Variants in PELI2 observed in about 807,000 individuals in gnomAD.
The protein encoded by PELI2 is E3 ubiquitin-protein ligase pellino homolog 2.
A neutral mutation model predicts 42.3 loss-of-function variants in PELI2; 23 were observed. The ratio of observed to expected loss-of-function variants is 0.54; its 90% CI spans 0.39 to 0.77. PELI2 has a LOEUF of 0.77. Among genes scored for constraint, PELI2 ranks in the 30% least tolerant of loss-of-function variants. The pLI is 0.00. For synonymous variants in PELI2, 245 were observed against 212.2 expected, an observed-to-expected ratio of 1.15 and a Z score of -1.34; for missense variants, 463 against 553.2, an observed-to-expected ratio of 0.84 and a Z score of 1.64.
At chr14:56,186,367 C>T (rs1885770177) in intron 2 of PELI2, among the ~76,000 whole-genome samples, 1 of 152,190 alleles carries the variant, frequency 6.6e-6, no homozygotes, top group South Asian at 2.1e-4. Flanking sequence ...AGATGCTGCC[C>T]TGTCAGCCCC....
chr14:56,144,875 A>G (rs1566604607), intron 1 of PELI2: 1 of 634,164 alleles, frequency 1.6e-6, no homozygotes, highest in Non-Finnish European at 2.0e-6. Flanking sequence ...TACAGGAATA[A>G]AAGGAATAAG....
chr14:56,122,784 C>T (rs1883112147), intron 1 of PELI2, among the ~76,000 whole-genome samples: 1 of 152,134 alleles, frequency 6.6e-6, no homozygotes, highest in Non-Finnish European at 1.5e-5. Context: ...TGAGTGTAGG[C>T]AACAAAAAGA....
chr14:56,171,058 G>A (rs1273958018), intron 1 of PELI2, among the ~76,000 whole-genome samples: 1 of 152,098 alleles, frequency 6.6e-6, no homozygotes, highest in Non-Finnish European at 1.5e-5. Context: ...TTCTTTCATG[G>A]GACAGTAACT....
chr14:56,215,702 G>T (rs987260654), intron 2 of PELI2, among the ~76,000 whole-genome samples: 3 of 152,214 alleles, frequency 2.0e-5, no homozygotes, highest in Non-Finnish European at 4.4e-5. Flanking sequence ...TTGAGAATCA[G>T]AATGAGTCTT....
rs1024474895 is a variant in PELI2, at chr14:56,300,672, A to G, written c.*3506A>G. On this transcript the variant is annotated 3_prime_UTR_variant, in exon 6 of 6. Coordinates refer to ENST00000267460, the MANE Select transcript of PELI2 (RefSeq NM_021255.3). ...TTACACCATTGTTAATGCTGGGTAAAAACTATCTTCTTGCAGCCTTGCCTC... is the reference window on the plus strand; with the variant it reads ...TTACACCATTGTTAATGCTGGGTAAGAACTATCTTCTTGCAGCCTTGCCTC... 2.6e-5 allele frequency: 4 copies of G among 152,128 alleles called. No individual in the cohort carries two copies. The highest frequency in any genetic ancestry group is 9.7e-5 in the African/African-American group (4 of 41,410). 9.4% of individuals were successfully genotyped at this position (152,128 alleles called of 1,614,324 possible). A position where few individuals can be genotyped will look rare whatever the true frequency, so the allele number is the denominator to read the frequency against.
chr14:56,196,872 T>A (rs1415360256), intron 2 of PELI2, among the ~76,000 whole-genome samples: 2 of 152,228 alleles, frequency 1.3e-5, no homozygotes, highest in Non-Finnish European at 2.9e-5. Flanking sequence ...TGGTGTCTCA[T>A]CTCATACTTG....
chr14:56,153,062 G>C (rs1226742206), intron 1 of PELI2, among the ~76,000 whole-genome samples: 1 of 152,092 alleles, frequency 6.6e-6, no homozygotes. Flanking sequence ...AGGATAGTGG[G>C]TTAAGTACAC....
intron 2 of PELI2, among the ~76,000 whole-genome samples, chr14:56,267,705 GCAGATGGA>G (rs1243964556): frequency 6.6e-6 from 1 of 152,004 alleles, no homozygotes; most frequent in African/African-American, 2.4e-5. Context: ...AGATTCTTCA[GCAGATGGA>G]CAAATTTTAA....
chr14:56,161,421 C>T (rs763852323), intron 1 of PELI2, among the ~76,000 whole-genome samples: 28 of 151,886 alleles, frequency 1.8e-4, no homozygotes, highest in South Asian at 2.1e-4. Context: ...ACTACAGGTA[C>T]GCGCCACCAC....
chr14:56,204,525 C>T (rs573831973), intron 2 of PELI2, among the ~76,000 whole-genome samples: 4 of 151,976 alleles, frequency 2.6e-5, no homozygotes, highest in Non-Finnish European at 4.4e-5. Context: ...CTGCGGTTTG[C>T]GGTATGATGA....
intron 1 of PELI2, among the ~76,000 whole-genome samples, chr14:56,145,184 C>T (rs1884070247): frequency 6.6e-6 from 1 of 152,160 alleles, no homozygotes; most frequent in Non-Finnish European, 1.5e-5. Flanking sequence ...GGCACATCTT[C>T]ACATGGCAGA....
At chr14:56,281,489 C>G (rs1889479994) in intron 3 of PELI2, among the ~76,000 whole-genome samples, 1 of 152,072 alleles carries the variant, frequency 6.6e-6, no homozygotes, top group Non-Finnish European at 1.5e-5. Flanking sequence ...TTTTCTGTAA[C>G]ATTGTAAAGT....
At chr14:56,178,245 CTG>C in intron 1 of PELI2, 88 bp from the exon 2 acceptor site, 1 of 1,362,086 alleles carries the variant, frequency 7.3e-7, no homozygotes, top group Non-Finnish European at 1.0e-6. Flanking sequence ...ATGACCATTC[CTG>C]TCTTTTCCCT....
In PELI2 at chr14:56,257,896, G is replaced by A. The variant is rs551000062; in HGVS notation, c.208-21780G>A. ...TGTAAAGGAAACTGCCAGAGATGAG[G>A]GGGCTTCATAGAGGCATAGAGCTTT... is the stretch of plus-strand genomic sequence containing the variant. On this transcript the variant is annotated intron_variant, in intron 2 of 5. Transcript: ENST00000267460. 3.9e-5 allele frequency among the ~76,000 whole-genome samples: 6 copies of A among 152,312 alleles called. No homozygotes were observed. The South Asian group carries it at 1.2e-3, about 32-fold the overall frequency.
intron 2 of PELI2, among the ~76,000 whole-genome samples, chr14:56,268,238 C>A (rs960107649): frequency 6.6e-6 from 1 of 152,170 alleles, no homozygotes; most frequent in Admixed American, 6.5e-5. Flanking sequence ...CTTAGTCATT[C>A]GCAGGATGCT....
chr14:56,155,380 G>A (rs1458805332), intron 1 of PELI2, among the ~76,000 whole-genome samples: 3 of 151,822 alleles, frequency 2.0e-5, no homozygotes, highest in African/African-American at 7.3e-5. Context: ...TTTATTTTGT[G>A]GTGGAATGTA....
At chr14:56,262,822 G>A (rs896565528) in intron 2 of PELI2, among the ~76,000 whole-genome samples, 9 of 135,100 alleles carry the variant, frequency 6.7e-5, no homozygotes, top group African/African-American at 2.5e-4. Context: ...CCTGACTTTT[G>A]ATCATATTCT....
At chr14:56,274,385 G>A (rs1889217072) in intron 2 of PELI2, among the ~76,000 whole-genome samples, 2 of 152,212 alleles carry the variant, frequency 1.3e-5, no homozygotes, top group Middle Eastern at 3.4e-3. Flanking sequence ...TTCACTTTGT[G>A]GTTGAGAGCT....
At chr14:56,152,375 CAAAG>C (rs1566608463) in intron 1 of PELI2, among the ~76,000 whole-genome samples, 1 of 152,072 alleles carries the variant, frequency 6.6e-6, no homozygotes, top group African/African-American at 2.4e-5. Flanking sequence ...GGGCTTGACA[CAAAG>C]GAAGCATTAT....
Sources: gnomAD v4.1 joint callset for allele counts (sites outside exome capture counted in the v4.1 genomes callset) on GRCh38, gnomAD v4.1.1 for gene constraint, MANE v1.5 for transcripts, NCBI Gene and HGNC (gene_info 2026-07-23, HGNC 2026-07-21) for gene names.